The following ERGIC1 variants were observed in gnomAD, a reference collection of about 807,000 sequenced individuals.
ERGIC1 encodes the protein endoplasmic reticulum-Golgi intermediate compartment protein 1.
In ERGIC1, 19 loss-of-function variants were observed where a neutral mutation model predicts 38.3. The ratio of observed to expected loss-of-function variants is 0.50; its 90% CI spans 0.35 to 0.73. ERGIC1 has a LOEUF of 0.73. ERGIC1 is among the 30% of genes least tolerant of loss of function. The pLI is 0.01. For synonymous variants in ERGIC1, 124 were observed against 157.6 expected (o/e 0.79, Z 1.60); for missense variants, 294 against 389.2 (o/e 0.76, Z 2.06).
At chr5:172,851,200 C>CAAAAAAA (rs34437961) in intron 1 of ERGIC1, among the ~76,000 whole-genome samples, 1 of 96,642 alleles carries the variant, frequency 1.0e-5, no homozygotes, top group Non-Finnish European at 2.1e-5. Flanking sequence ...GACTCTGTCT[C>CAAAAAAA]AAAAAAAAAA....
intron 1 of ERGIC1, among the ~76,000 whole-genome samples, chr5:172,859,604 T>C (rs1761645742): frequency 6.6e-6 from 1 of 152,228 alleles, no homozygotes; most frequent in South Asian, 2.1e-4. Flanking sequence ...CGCAGGTGCC[T>C]GGTGCTGCTG....
intron 1 of ERGIC1, among the ~76,000 whole-genome samples, chr5:172,883,335 T>C (rs988923536): frequency 1.3e-5 from 2 of 152,180 alleles, no homozygotes; most frequent in African/African-American, 4.8e-5. Context: ...TACTCAACTT[T>C]CTTCAGGTGT....
chr5:172,900,215 T>A (rs186818763), intron 3 of ERGIC1, among the ~76,000 whole-genome samples: 1 of 151,954 alleles, frequency 6.6e-6, no homozygotes, highest in African/African-American at 2.4e-5. Context: ...CCCGGGAGCA[T>A]TGGGGAAGGG....
At chr5:172,863,379 G>T (rs552104080) in intron 1 of ERGIC1, among the ~76,000 whole-genome samples, 1 of 152,286 alleles carries the variant, frequency 6.6e-6, no homozygotes, top group East Asian at 1.9e-4. Flanking sequence ...TTCTTCTGTG[G>T]GTGATTTGTG....
chr5:172,896,666 C>T (rs993726256), intron 2 of ERGIC1, among the ~76,000 whole-genome samples: 5 of 152,220 alleles, frequency 3.3e-5, no homozygotes, highest in Admixed American at 6.5e-5. Flanking sequence ...TGTTGTCACT[C>T]GAGCCAAACA....
At position 172,896,206 on chromosome 5, in the gene ERGIC1, C is replaced by T. The variant is rs138756966; in HGVS notation, c.83-796C>T. 5.2e-4 allele frequency among the ~76,000 whole-genome samples: 79 copies of T among 151,924 alleles called. No homozygotes were observed. The East Asian group carries it at 8.7e-3, about 17-fold the overall frequency. On this transcript the variant is annotated intron_variant, in intron 2 of 9. Transcript: ENST00000393784. ...AAAAATAAAAAAATTAGCTGGGTGT[C>T]GTAGCAGGCACCTGTAATCCCAGCT...
intron 5 of ERGIC1, chr5:172,920,451 A>G (rs757306740): frequency 9.8e-6 from 7 of 717,746 alleles, no homozygotes; most frequent in South Asian, 4.4e-5. Flanking sequence ...ACCTCGTTTC[A>G]TCAGCCAGCC....
At chr5:172,883,118 T>G (rs1363724376) in intron 1 of ERGIC1, among the ~76,000 whole-genome samples, 3 of 152,186 alleles carry the variant, frequency 2.0e-5, no homozygotes, top group African/African-American at 7.2e-5. Context: ...GTCTTTCATG[T>G]TTTTTTAAAT....
intron 9 of ERGIC1, chr5:172,938,072 T>C (rs989167548): frequency 2.0e-5 from 3 of 151,908 alleles, no homozygotes; most frequent in African/African-American, 7.3e-5. Context: ...GGAACCCACA[T>C]GTGCTATTGG....
chr5:172,932,291 G>A (rs1304039228), intron 7 of ERGIC1, 145 bp from the exon 8 acceptor site: 1 of 705,304 alleles, frequency 1.4e-6, no homozygotes, highest in Non-Finnish European at 2.4e-6. Flanking sequence ...AAGGGGAGAA[G>A]ATGAAGAGCA....
intron 6 of ERGIC1, among the ~76,000 whole-genome samples, chr5:172,924,739 GT>G (rs972906036): frequency 6.6e-6 from 1 of 152,200 alleles, no homozygotes; most frequent in African/African-American, 2.4e-5. Context: ...TTAGTCATTA[GT>G]GGGGTGGAAA....
At chr5:172,948,348 A>T (rs566883820) in intron 9 of ERGIC1, among the ~76,000 whole-genome samples, 4 of 152,134 alleles carry the variant, frequency 2.6e-5, no homozygotes, top group Non-Finnish European at 4.4e-5. Context: ...CGCCTTTGCT[A>T]TGTCTCCCAG....
chr5:172,862,342 A>G (rs934376610), intron 1 of ERGIC1, among the ~76,000 whole-genome samples: 2 of 145,076 alleles, frequency 1.4e-5, no homozygotes, highest in East Asian at 4.4e-4. Flanking sequence ...AGATGGCACA[A>G]GATAAGGGGG....
At position 172,879,019 on chromosome 5, in the gene ERGIC1, C is replaced by T. The variant is rs150433552; in HGVS notation, c.21-9680C>T. Among the ~76,000 whole-genome samples, 78 of 152,284 alleles carry T rather than the reference C, an allele frequency of 5.1e-4. 1 individual carries two copies. The East Asian group carries it at 9.5e-3, about 18-fold the overall frequency. On this transcript the variant is annotated intron_variant, in intron 1 of 9. Transcript: ENST00000393784. Reference sequence around the variant, plus strand: ...TTTGGGACAAATGACCCACCACTTCCAATGACTTGCTCCGAAATGGCATCT... The same window carrying T: ...TTTGGGACAAATGACCCACCACTTCTAATGACTTGCTCCGAAATGGCATCT...
chr5:172,893,905 A>ATATATATATATATATGTGTGTGTGTGTG (rs1173039695), intron 2 of ERGIC1, among the ~76,000 whole-genome samples: 1 of 15,542 alleles, frequency 6.4e-5, no homozygotes, highest in Non-Finnish European at 2.1e-4. Context: ...ATATATATAT[A>ATATATATATATATATGTGTGTGTGTGTG]TGTGTGTGTG....
At chr5:172,897,996 TC>T (rs1762766401) in intron 3 of ERGIC1, 1 of 411,592 alleles carries the variant, frequency 2.4e-6, no homozygotes, top group African/African-American at 2.1e-5. Context: ...CACGACCTCA[TC>T]GGACGCCCCT....
At chr5:172,862,383 A>C (rs1761735985) in intron 1 of ERGIC1, among the ~76,000 whole-genome samples, 1 of 147,846 alleles carries the variant, frequency 6.8e-6, no homozygotes, top group South Asian at 2.2e-4. Context: ...AGGAAAATGT[A>C]GGTGGAGACT....
At chr5:172,893,225 A>G (rs1246366958) in intron 2 of ERGIC1, among the ~76,000 whole-genome samples, 7 of 150,552 alleles carry the variant, frequency 4.6e-5, no homozygotes, top group African/African-American at 7.4e-5. Context: ...TCGGCTCACT[A>G]CAACCTCCGC....
At position 172,926,699 on chromosome 5, in the gene ERGIC1, T is replaced by C; in HGVS notation, c.541+130T>C. 2 of 988,222 alleles carry C rather than the reference T, an allele frequency of 2.0e-6. No homozygotes were observed. Among genetic ancestry groups the C allele is most frequent in the East Asian group, 2.5e-5 (1 of 39,872 alleles). The allele number at this position is 988,222 out of a possible 1,614,324, so 61.2% of individuals were successfully genotyped here. ...AAGGCAGGGAGGCTGCTGCTCACAC[T>C]CCATTCCCACAGCTAACCAGTGGGA... On this transcript the variant is annotated intron_variant, in intron 7 of 9. Coordinates refer to ENST00000393784, the MANE Select transcript of ERGIC1 (RefSeq NM_001031711.3). This position sits in a 1 kb window ranked among gnomAD's most constrained non-coding sequence, Gnocchi z 5.2.
Sources: allele counts gnomAD v4.1 joint callset (sites outside exome capture counted in the v4.1 genomes callset), GRCh38; gene constraint gnomAD v4.1.1; non-coding constraint Gnocchi (gnomAD v3.1); transcripts MANE v1.5; gene names NCBI Gene and HGNC (gene_info 2026-07-23, HGNC 2026-07-21).